Variants in GRM7 observed in about 807,000 individuals in gnomAD.
The protein encoded by GRM7 is metabotropic glutamate receptor 7.
A neutral mutation model predicts 84.5 loss-of-function variants in GRM7; 35 were observed. The ratio of observed to expected loss-of-function variants is 0.41; its 90% CI spans 0.32 to 0.55. GRM7 has a LOEUF of 0.55. Among genes scored for constraint, GRM7 ranks in the 20% least tolerant of loss-of-function variants. The pLI, the probability that GRM7 is intolerant of heterozygous loss-of-function variation, is 0.19. For missense variants in GRM7, 1,003 were observed against 1,194.6 expected, an observed-to-expected ratio of 0.84 and a Z score of 2.36; for synonymous variants, 487 against 455.1, an observed-to-expected ratio of 1.07 and a Z score of -0.89.
At position 7,533,534 on chromosome 3, in the gene GRM7, G is replaced by A. The variant is rs74766530; in HGVS notation, c.1516-44888G>A. On this transcript the variant is annotated intron_variant, in intron 7 of 9. Coordinates refer to ENST00000357716, the MANE Select transcript of GRM7 (RefSeq NM_000844.4). Reference sequence around the variant, plus strand: ...ATGTTAGGTGCTTAAGGGCAGCTATGATGGCTAATTCATCTTTATGCCTGT... The same window carrying A: ...ATGTTAGGTGCTTAAGGGCAGCTATAATGGCTAATTCATCTTTATGCCTGT... 3.5e-3 allele frequency among the ~76,000 whole-genome samples: 530 copies of A among 152,300 alleles called. 6 individuals are homozygous for A. The highest frequency in any genetic ancestry group is 0.012 in the African/African-American group (506 of 41,566).
At chr3:7,699,816 C>T (rs1429357814) in intron 9 of GRM7, among the ~76,000 whole-genome samples, 1 of 152,098 alleles carries the variant, frequency 6.6e-6, no homozygotes, top group Non-Finnish European at 1.5e-5. Flanking sequence ...ACCTGATTGC[C>T]TAACAAAAGT....
At chr3:7,356,300 T>A (rs2125097959) in intron 4 of GRM7, among the ~76,000 whole-genome samples, 1 of 151,876 alleles carries the variant, frequency 6.6e-6, no homozygotes, top group African/African-American at 2.4e-5. Flanking sequence ...GAGGAGGATT[T>A]TTTTTTTTTT....
chr3:6,929,014 G>A (rs1209318475), intron 1 of GRM7, among the ~76,000 whole-genome samples: 1 of 152,090 alleles, frequency 6.6e-6, no homozygotes, highest in Non-Finnish European at 1.5e-5. Context: ...TTCCACCCAC[G>A]ACCTGCTTGG....
chr3:6,977,992 G>T (rs1694062407), intron 1 of GRM7, among the ~76,000 whole-genome samples: 1 of 152,116 alleles, frequency 6.6e-6, no homozygotes, highest in South Asian at 2.1e-4. Context: ...TTTGAGTGGT[G>T]GCCCCTCAAA....
At chr3:7,342,417 T>C (rs1287537877) in intron 4 of GRM7, among the ~76,000 whole-genome samples, 2 of 152,162 alleles carry the variant, frequency 1.3e-5, no homozygotes. Flanking sequence ...ATGCTAGACA[T>C]GACCAATCAA....
rs569290714 is a variant in GRM7, at chr3:7,192,599, C to G, written c.736+45931C>G. Among the ~76,000 whole-genome samples the G allele has an allele frequency of 3.4e-4, 52 of 152,098 alleles. 1 individual carries two copies. Among genetic ancestry groups the G allele is most frequent in the African/African-American group, 1.2e-3 (49 of 41,500 alleles). ...TGAGGAAGAAGTTGTGCCTAAGTGG[C>G]CATTGACGCTCTTCTCTCTCCTTCC... On this transcript the variant is annotated intron_variant, in intron 2 of 9. Transcript: ENST00000357716.
chr3:6,965,257 G>T (rs892963951), intron 1 of GRM7, among the ~76,000 whole-genome samples: 1 of 152,144 alleles, frequency 6.6e-6, no homozygotes, highest in African/African-American at 2.4e-5. Context: ...TTCTGTGTCA[G>T]ATGACATTTG....
chr3:7,198,305 T>A (rs1038113157), intron 2 of GRM7, among the ~76,000 whole-genome samples: 3 of 152,190 alleles, frequency 2.0e-5, no homozygotes, highest in Non-Finnish European at 4.4e-5. Context: ...TATTCTGATT[T>A]CATTTATGTG....
chr3:6,879,345 A>G (rs1402518794), intron 1 of GRM7, among the ~76,000 whole-genome samples: 1 of 152,184 alleles, frequency 6.6e-6, no homozygotes, highest in East Asian at 1.9e-4. Flanking sequence ...TTGATATATG[A>G]ACATAGTGGA....
intron 8 of GRM7, among the ~76,000 whole-genome samples, chr3:7,658,886 G>T (rs1699314209): frequency 6.6e-6 from 1 of 152,042 alleles, no homozygotes; most frequent in Admixed American, 6.6e-5. Context: ...TTTATAAAAA[G>T]ATAATAAAAC....
intron 3 of GRM7, among the ~76,000 whole-genome samples, chr3:7,300,317 A>G (rs1472948996): frequency 6.6e-6 from 1 of 152,168 alleles, no homozygotes. Flanking sequence ...TGTATCCTAG[A>G]CACTGCTCCT....
intron 1 of GRM7, among the ~76,000 whole-genome samples, chr3:7,015,648 C>G (rs1445016256): frequency 6.6e-6 from 1 of 152,146 alleles, no homozygotes; most frequent in Non-Finnish European, 1.5e-5. Context: ...GGGGCTGTAG[C>G]GATTTTCAGG....
chr3:6,879,518 C>T (rs574955246), intron 1 of GRM7, among the ~76,000 whole-genome samples: 1 of 152,218 alleles, frequency 6.6e-6, no homozygotes, highest in South Asian at 2.1e-4. Context: ...AAAATGTTGT[C>T]AGCCCAGGCT....
Position 7,179,967 on chromosome 3 carries a change from G to A in GRM7, c.736+33299G>A, listed in dbSNP as rs573374078. 2.0e-4 allele frequency among the ~76,000 whole-genome samples: 31 copies of A among 152,246 alleles called. No homozygotes were observed. The South Asian group carries it at 5.0e-3, about 24-fold the overall frequency. ...ATTAGCGTATCAGTGACCTTAAGAA[G>A]TCCAGAGTTAGAAACGCTTTAAACT... On this transcript the variant is annotated intron_variant, in intron 2 of 9. Coordinates refer to ENST00000357716, the MANE Select transcript of GRM7 (RefSeq NM_000844.4).
chr3:7,503,420 C>T (rs938907944), intron 7 of GRM7, among the ~76,000 whole-genome samples: 2 of 151,898 alleles, frequency 1.3e-5, no homozygotes, highest in Non-Finnish European at 2.9e-5. Flanking sequence ...TCAGGATTTG[C>T]CTGAGTCCTC....
intron 7 of GRM7, among the ~76,000 whole-genome samples, chr3:7,513,579 G>T (rs1486349117): frequency 1.3e-5 from 2 of 152,056 alleles, no homozygotes; most frequent in Admixed American, 6.6e-5. Flanking sequence ...AAAATTCATT[G>T]TATGTTTCAA....
intron 7 of GRM7, among the ~76,000 whole-genome samples, chr3:7,473,294 C>T (rs770829724): frequency 7.9e-5 from 12 of 151,954 alleles, no homozygotes; most frequent in Non-Finnish European, 1.6e-4. Context: ...AAAGCAAAAC[C>T]CCATCTATAC....
chr3:7,635,384 A>G (rs7642924), intron 8 of GRM7, among the ~76,000 whole-genome samples: 1 of 152,074 alleles, frequency 6.6e-6, no homozygotes, highest in South Asian at 2.1e-4. Context: ...ATGTTCAACA[A>G]CGTGTCCATT....
intron 6 of GRM7, among the ~76,000 whole-genome samples, chr3:7,458,232 C>A (rs1221954988): frequency 6.6e-6 from 1 of 152,160 alleles, no homozygotes; most frequent in Non-Finnish European, 1.5e-5. Flanking sequence ...CTGTCCTTTA[C>A]TGTCTGTTAC....
Sources: allele counts gnomAD v4.1 joint callset (sites outside exome capture counted in the v4.1 genomes callset), GRCh38; gene constraint gnomAD v4.1.1; transcripts MANE v1.5; gene names NCBI Gene and HGNC (gene_info 2026-07-23, HGNC 2026-07-21).